SPNS3: variants seen among roughly 807,000 people sequenced by gnomAD.
The protein encoded by SPNS3 is protein spinster homolog 3.
In SPNS3, 51 loss-of-function variants were observed where a neutral mutation model predicts 54.4. The ratio of observed to expected loss-of-function variants is 0.94; its 90% CI spans 0.75 to 1.18. The LOEUF is 1.18. Among genes scored for constraint, SPNS3 ranks in the 50% most tolerant of loss-of-function variants. The probability of loss-of-function intolerance (pLI) is 0.00; values close to 1 mark genes in which losing one functional copy is unlikely to be tolerated. For missense variants in SPNS3, 669 were observed against 677.4 expected, an observed-to-expected ratio of 0.99 and a Z score of 0.14; for synonymous variants, 309 against 294.7, an observed-to-expected ratio of 1.05 and a Z score of -0.50.
At chr17:4,454,656 G>A (rs1463662096) in intron 8 of SPNS3, among the ~76,000 whole-genome samples, 17 of 116,472 alleles carry the variant, frequency 1.5e-4, no homozygotes, top group Non-Finnish European at 2.6e-4. Flanking sequence ...TTGCTCTGTC[G>A]CCCAGGCTGG....
intron 8 of SPNS3, among the ~76,000 whole-genome samples, chr17:4,475,348 G>A (rs1160371566): frequency 6.6e-6 from 1 of 152,228 alleles, no homozygotes; most frequent in Non-Finnish European, 1.5e-5. Flanking sequence ...CTGGAGGGAT[G>A]GTGGGGCCTG....
intron 2 of SPNS3, among the ~76,000 whole-genome samples, chr17:4,441,974 G>A (rs916686050): frequency 1.3e-5 from 2 of 149,654 alleles, no homozygotes; most frequent in African/African-American, 2.5e-5. Context: ...CCTGGGCCAC[G>A]GAGGGAGAAG....
rs55928003 is a variant in SPNS3, at chr17:4,461,361, C to CTTTTTTTTTTTTTTTT, written c.1113+8167_1113+8182dup. On this transcript the variant is annotated intron_variant, in intron 8 of 11. Transcript: ENST00000355530. ...TATTTGCTTTCTTTTCTTTTCTTTTCTTTTTTTTTTTTTTTTTTTTTTTTT... is the reference window on the plus strand; with the variant it reads ...TATTTGCTTTCTTTTCTTTTCTTTTCTTTTTTTTTTTTTTTTTTTTTTTTTTTTTTTTTTTTTTTTT... 2.6e-3 allele frequency among the ~76,000 whole-genome samples: 88 copies of CTTTTTTTTTTTTTTTT among 33,426 alleles called. 14 individuals are homozygous for CTTTTTTTTTTTTTTTT. Among genetic ancestry groups the CTTTTTTTTTTTTTTTT allele is most frequent in the Non-Finnish European group, 4.4e-3 (73 of 16,584 alleles). 21.9% of individuals were successfully genotyped at this position (33,426 alleles called of 152,430 possible).
Position 4,487,906 on chromosome 17 carries a change from A to G in SPNS3, c.*12A>G, listed in dbSNP as rs2291742. 424,230 of 1,601,150 alleles carry G rather than the reference A, an allele frequency of 0.26. 60,502 individuals are homozygous for G. Among genetic ancestry groups the G allele is most frequent in the Middle Eastern group, 0.35 (2,110 of 6,022 alleles). ...CAGAGGAGCCCTGAGGTCCCTGCCT[A>G]CACTCGTCCTGCCTGCAAGCCTCCC... On this transcript the variant is annotated 3_prime_UTR_variant, in exon 12 of 12. Coordinates refer to ENST00000355530, the MANE Select transcript of SPNS3 (RefSeq NM_182538.5).
chr17:4,436,781 G>A (rs1225135335), intron 1 of SPNS3, among the ~76,000 whole-genome samples: 1 of 152,244 alleles, frequency 6.6e-6, no homozygotes, highest in Middle Eastern at 3.2e-3. Flanking sequence ...GGCAAAATGA[G>A]CCAGGGAGTC....
intron 8 of SPNS3, among the ~76,000 whole-genome samples, chr17:4,463,878 G>A (rs1971611431): frequency 1.3e-5 from 2 of 152,132 alleles, no homozygotes; most frequent in African/African-American, 4.8e-5. Flanking sequence ...GATGTGTGCT[G>A]TTTTGTACAC....
intron 2 of SPNS3, among the ~76,000 whole-genome samples, chr17:4,443,207 ATT>A (rs2144010973): frequency 1.3e-5 from 2 of 152,132 alleles, no homozygotes; most frequent in South Asian, 4.2e-4. Context: ...AGTAGCTGGG[ATT>A]ACAGGCGCCC....
intron 9 of SPNS3, 92 bp downstream of exon 9, chr17:4,478,729 T>A (rs1972079933): frequency 1.5e-6 from 2 of 1,303,804 alleles, no homozygotes; most frequent in South Asian, 2.6e-5. Flanking sequence ...GGCGGCGACA[T>A]CAGAGACCAT....
chr17:4,451,781 C>A (rs979638700), intron 7 of SPNS3, among the ~76,000 whole-genome samples: 1 of 151,928 alleles, frequency 6.6e-6, no homozygotes, highest in African/African-American at 2.4e-5. Context: ...GATTCTCCTG[C>A]CTCAACCTCC....
chr17:4,471,898 G>T (rs544620248), intron 8 of SPNS3, among the ~76,000 whole-genome samples: 4 of 149,680 alleles, frequency 2.7e-5, no homozygotes, highest in Non-Finnish European at 5.9e-5. Flanking sequence ...TCACTCTGTC[G>T]CCCAAGCTGG....
chr17:4,483,820 C>T lies in SPNS3; in HGVS notation c.1180-2408C>T, dbSNP rs576346845. 2.0e-4 allele frequency among the ~76,000 whole-genome samples: 30 copies of T among 152,204 alleles called. No individual in the cohort carries two copies. The highest frequency in any genetic ancestry group is 1.5e-3 in the Admixed American group (23 of 15,284). On this transcript the variant is annotated intron_variant, in intron 9 of 11. Transcript: ENST00000355530. This position sits in a 1 kb window ranked among gnomAD's most constrained non-coding sequence, Gnocchi z 4.2. ...CTGGGACCAGCGAGTCACTACAGTG[C>T]CTCCTGCCACTCTGCCCTGCCCACC...
chr17:4,448,385 C>T, intron 6 of SPNS3, 82 bp downstream of exon 6: 3 of 1,331,114 alleles, frequency 2.3e-6, no homozygotes, highest in Non-Finnish European at 2.0e-6. Flanking sequence ...CTCTCCACCT[C>T]CAGGGAGCCC....
At chr17:4,446,598 G>A (rs1291918884) in intron 4 of SPNS3, 5 of 538,044 alleles carry the variant, frequency 9.3e-6, no homozygotes, top group Non-Finnish European at 1.7e-5. Context: ...CAGGTTTCCT[G>A]AACTTGCCTG....
chr17:4,457,886 GA>G (rs1028801995), intron 8 of SPNS3, among the ~76,000 whole-genome samples: 1 of 152,324 alleles, frequency 6.6e-6, no homozygotes, highest in African/African-American at 2.4e-5. Flanking sequence ...CTGAGGGGCA[GA>G]AAGGCGGGCA....
intron 6 of SPNS3, among the ~76,000 whole-genome samples, chr17:4,448,964 G>C (rs73340405): frequency 7.3e-4 from 111 of 152,222 alleles, no homozygotes; most frequent in African/African-American, 2.5e-3. Flanking sequence ...GTGTGAGTTG[G>C]GGGGGTCTCA....
chr17:4,450,180 C>T lies in SPNS3; in HGVS notation c.923+793C>T, dbSNP rs554520935. On this transcript the variant is annotated intron_variant, in intron 7 of 11. Coordinates refer to ENST00000355530, the MANE Select transcript of SPNS3 (RefSeq NM_182538.5). ...GCTATCTTCTTCCCTGGAGCTCCAT[C>T]CTCCCCCAGGGTTTTGGCGACACTC... Among the ~76,000 whole-genome samples the T allele has an allele frequency of 5.3e-3, 806 of 152,114 alleles. 5 individuals are homozygous for T. Among genetic ancestry groups the T allele is most frequent in the Non-Finnish European group, 8.8e-3 (595 of 67,956 alleles).
intron 9 of SPNS3, among the ~76,000 whole-genome samples, chr17:4,481,804 C>T (rs4496220): frequency 0.59 from 89,834 of 151,906 alleles, 27,147 homozygotes; most frequent in East Asian, 0.8. Context: ...CTCACACCTG[C>T]GTCCTGCAGA....
At chr17:4,471,547 C>G (rs1971854493) in intron 8 of SPNS3, among the ~76,000 whole-genome samples, 1 of 152,022 alleles carries the variant, frequency 6.6e-6, no homozygotes, top group African/African-American at 2.4e-5. Context: ...CTGTCTGCAG[C>G]CTTGACCTCC....
At chr17:4,435,449 A>AT (rs1970689785) in intron 1 of SPNS3, among the ~76,000 whole-genome samples, 1 of 147,708 alleles carries the variant, frequency 6.8e-6, no homozygotes, top group African/African-American at 2.6e-5. Flanking sequence ...TCAAAAAAAA[A>AT]AAAATAAAAA....
Sources: allele counts gnomAD v4.1 joint callset (sites outside exome capture counted in the v4.1 genomes callset), GRCh38; gene constraint gnomAD v4.1.1; non-coding constraint Gnocchi (gnomAD v3.1); transcripts MANE v1.5; gene names NCBI Gene and HGNC (gene_info 2026-07-23, HGNC 2026-07-21).